ACBD6: variants seen among roughly 807,000 people sequenced by gnomAD.
The protein encoded by ACBD6 is acyl-CoA-binding domain-containing protein 6.
ACBD6 carries 28 observed loss-of-function variants against 37.2 expected under a neutral mutation model. The observed-to-expected ratio is 0.75, with a 90% CI of 0.56 to 1.03. ACBD6 has a LOEUF of 1.03. Among genes scored for constraint, ACBD6 ranks in the 50% least tolerant of loss-of-function variants. ACBD6 has a pLI of 0.00. For missense variants in ACBD6, 340 were observed against 337.4 expected (o/e 1.01, Z -0.06); for synonymous variants, 113 against 126.8 (o/e 0.89, Z 0.73).
downstream of ACBD6, among the ~76,000 whole-genome samples, chr1:180,283,287 T>C (rs12086106): frequency 0.01 from 1,546 of 152,278 alleles, 27 homozygotes; most frequent in African/African-American, 0.035. Context: ...GTACAGTCCA[T>C]TGGAAGTCAC....
chr1:180,440,605 C>T (rs1649242291), intron 3 of ACBD6, among the ~76,000 whole-genome samples: 1 of 151,504 alleles, frequency 6.6e-6, no homozygotes, highest in Non-Finnish European at 1.5e-5. Flanking sequence ...CTCCCCATTC[C>T]CCTCTCCCCC....
At chr1:180,416,777 G>A (rs1292773653) in intron 4 of ACBD6, among the ~76,000 whole-genome samples, 2 of 152,086 alleles carry the variant, frequency 1.3e-5, no homozygotes, top group Non-Finnish European at 2.9e-5. Flanking sequence ...GAAGATCCTT[G>A]CCCATTCCTA....
In ACBD6 at chr1:180,452,792, G is replaced by A. The variant is rs891763915; in HGVS notation, c.385-22530C>T. 1.7e-4 allele frequency among the ~76,000 whole-genome samples: 26 copies of A among 152,150 alleles called. 1 individual carries two copies. The highest frequency in any genetic ancestry group is 4.8e-4 in the African/African-American group (20 of 41,438). ...CAGAGAATACTATAAACACCTCTAC[G>A]CAAATAAACTAGAATATCTAGAAGA... On this transcript the variant is annotated intron_variant, in intron 3 of 7. Coordinates refer to ENST00000367595, the MANE Select transcript of ACBD6 (RefSeq NM_032360.4).
chr1:180,467,472 A>AAAAAAAAAAAAAAC (rs370655998), intron 3 of ACBD6, among the ~76,000 whole-genome samples: 1 of 114,522 alleles, frequency 8.7e-6, no homozygotes, highest in African/African-American at 3.6e-5. Context: ...AAAAAAAAAA[A>AAAAAAAAAAAAAAC]CAAAAACAAA....
intron 6 of ACBD6, among the ~76,000 whole-genome samples, chr1:180,388,373 A>C (rs1653926459): frequency 6.6e-6 from 1 of 152,172 alleles, no homozygotes; most frequent in African/African-American, 2.4e-5. Context: ...CAGGAACTGA[A>C]GACCCCTCAT....
chr1:180,500,128 T>C (rs989014946), intron 1 of ACBD6, among the ~76,000 whole-genome samples: 21 of 144,532 alleles, frequency 1.5e-4, no homozygotes, highest in African/African-American at 5.6e-4. Context: ...AAAACTTTTT[T>C]AGTTAAAAAA....
At chr1:180,409,859 A>G (rs1216278833) in intron 5 of ACBD6, among the ~76,000 whole-genome samples, 2 of 152,336 alleles carry the variant, frequency 1.3e-5, no homozygotes, top group South Asian at 4.1e-4. Flanking sequence ...CTTCAATCAA[A>G]TGCCAGAAAT....
At chr1:180,354,891 G>C (rs59426298) in intron 6 of ACBD6, among the ~76,000 whole-genome samples, 1 of 152,142 alleles carries the variant, frequency 6.6e-6, no homozygotes. Flanking sequence ...CGTCCTCCAA[G>C]TCACTTATGA....
At chr1:180,318,983 T>C (rs1650947392) in intron 6 of ACBD6, among the ~76,000 whole-genome samples, 1 of 152,194 alleles carries the variant, frequency 6.6e-6, no homozygotes, top group South Asian at 2.1e-4. Context: ...AAGAGGTGCT[T>C]ATTATATTTT....
chr1:180,498,463 A>T (rs1383778790), intron 1 of ACBD6, among the ~76,000 whole-genome samples: 1 of 152,240 alleles, frequency 6.6e-6, no homozygotes, highest in Non-Finnish European at 1.5e-5. Context: ...GCTTTTCCTC[A>T]AAATAGTTAA....
intron 3 of ACBD6, among the ~76,000 whole-genome samples, chr1:180,469,972 C>G (rs1193455487): frequency 6.6e-6 from 1 of 152,084 alleles, no homozygotes; most frequent in African/African-American, 2.4e-5. Context: ...CACTACTAAT[C>G]TCCAAAAGCA....
At chr1:180,478,920 G>A (rs1029480027) in intron 3 of ACBD6, among the ~76,000 whole-genome samples, 54 of 152,154 alleles carry the variant, frequency 3.5e-4, no homozygotes, top group African/African-American at 1.3e-3. Flanking sequence ...TTGAGCCCAG[G>A]TGTTCAAGAC....
intron 1 of ACBD6, among the ~76,000 whole-genome samples, chr1:180,501,535 C>A (rs1651973011): frequency 6.6e-6 from 1 of 152,164 alleles, no homozygotes; most frequent in Admixed American, 6.5e-5. Context: ...TCAGGCTGGT[C>A]TCCAACTCCC....
rs1409483619 is a variant in ACBD6 at position 180,489,315 on chromosome 1, C to A, written c.384+2954G>T. On this transcript the variant is annotated intron_variant, in intron 3 of 7. Transcript: ENST00000367595. ...TTCTGAGATGGAGGTTATGATCTGCCTCCTAACAGTTTAAAAGTAAAGACA... is the reference window on the plus strand; with the variant it reads ...TTCTGAGATGGAGGTTATGATCTGCATCCTAACAGTTTAAAAGTAAAGACA... Among the ~76,000 whole-genome samples the A allele has an allele frequency of 2.0e-5, 3 of 150,538 alleles. No homozygotes were observed. The East Asian group carries it at 5.8e-4, about 29-fold the overall frequency.
At chr1:180,349,246 A>G (rs1234248472) in intron 6 of ACBD6, among the ~76,000 whole-genome samples, 1 of 138,102 alleles carries the variant, frequency 7.2e-6, no homozygotes, top group African/African-American at 3.0e-5. Context: ...AATAAAAAAT[A>G]TAAATAAAAA....
At chr1:180,486,333 A>G (rs902767961) in intron 3 of ACBD6, among the ~76,000 whole-genome samples, 10 of 152,236 alleles carry the variant, frequency 6.6e-5, no homozygotes, top group Non-Finnish European at 4.4e-5. Flanking sequence ...ACACAAAAAA[A>G]TCAATGCAAA....
intron 6 of ACBD6, among the ~76,000 whole-genome samples, chr1:180,396,151 G>A (rs1183084443): frequency 1.3e-5 from 2 of 152,132 alleles, no homozygotes; most frequent in African/African-American, 4.8e-5. Flanking sequence ...GGGAATGGAG[G>A]AATGGGAAAT....
At chr1:180,284,026 C>G (rs759046323), downstream of ACBD6, among the ~76,000 whole-genome samples, 1 of 152,062 alleles carries the variant, frequency 6.6e-6, no homozygotes, top group East Asian at 1.9e-4. Context: ...ATGATTCATG[C>G]GAAGTGATCC....
intron 3 of ACBD6, among the ~76,000 whole-genome samples, chr1:180,445,908 C>A (rs1649451719): frequency 6.6e-6 from 1 of 152,168 alleles, no homozygotes; most frequent in Non-Finnish European, 1.5e-5. Flanking sequence ...AGCCTGTGTT[C>A]TATTAAATTA....
Sources: gnomAD v4.1 joint callset for allele counts (sites outside exome capture counted in the v4.1 genomes callset) on GRCh38, gnomAD v4.1.1 for gene constraint, MANE v1.5 for transcripts, NCBI Gene and HGNC (gene_info 2026-07-23, HGNC 2026-07-21) for gene names.